PAX6: variants seen among roughly 807,000 people sequenced by gnomAD.
PAX6 encodes paired box protein Pax-6.
In PAX6, 7 loss-of-function variants were observed where a neutral mutation model predicts 60.7. That is an observed-to-expected ratio of 0.12 (90% CI 0.07 to 0.22). The LOEUF is 0.22. PAX6 is among the 10% of genes least tolerant of loss of function. The pLI is 1.00. For missense variants in PAX6, 355 were observed against 555.2 expected (o/e 0.64, Z 3.62); for synonymous variants, 208 against 201.2 (o/e 1.03, Z -0.29).
intron 12 of PAX6, 139 bp downstream of exon 12, chr11:31,793,299 G>T (rs1019883076): frequency 1.3e-6 from 1 of 754,984 alleles, no homozygotes; most frequent in Non-Finnish European, 2.4e-6. Flanking sequence ...GACTGTCTCC[G>T]ACTTGACTGG....
chr11:31,789,989 A>C lies in PAX6; in HGVS notation c.1256T>G (p.Val419Gly). ...ATCAGGTTCACTTCCGGGAACTTGA[A>C]CTGGAACTGACACACCAGGGGAAAT... Reference protein sequence around the residue: ...GLISPGVSVPVQVPGSEPDMS... With the variant: ...GLISPGVSVPGQVPGSEPDMS... The change falls in exon 14 of 14, where the codon GTT becomes GGT. Residue 419 changes from valine to glycine, a missense_variant. Coordinates refer to ENST00000640368, the MANE Select transcript of PAX6 (RefSeq NM_001368894.2). 1 of 1,600,816 alleles carries C rather than the reference A, an allele frequency of 6.2e-7. No homozygotes were observed. Among genetic ancestry groups the C allele is most frequent in the Non-Finnish European group, 8.5e-7 (1 of 1,177,180 alleles).
chr11:31,791,337 C>G (rs560160238), intron 12 of PAX6: 1 of 233,184 alleles, frequency 4.3e-6, no homozygotes, highest in Non-Finnish European at 8.6e-6. Context: ...CCTTGGGAAC[C>G]TTTCACTGAT....
In PAX6 at chr11:31,790,727, G is replaced by A. The variant is rs1342200630; in HGVS notation, c.1208C>T (p.Ser403Leu). 9 of 1,614,060 alleles carry A rather than the reference G, an allele frequency of 5.6e-6. No individual in the cohort carries two copies. Among genetic ancestry groups the A allele is most frequent in the East Asian group, 2.2e-5 (1 of 44,866 alleles). Residue 403 changes from serine to leucine, a missense_variant, in exon 13 of 14, where the codon TCG (serine) becomes TTG (leucine). Physicochemically the swap from Ser to Leu is moderately radical, Grantham distance 145. Transcript: ENST00000640368. The part of the protein sequence containing the change: ...THMNSQPMGT[S>L]GTTSTGLISP... ...TGGCTCACCTGTTGAAGTGGTGCCC[G>A]AGGTGCCCATTGGCTGACTGTTCAT... is the stretch of plus-strand genomic sequence containing the variant.
At chr11:31,801,949 C>T in intron 5 of PAX6, 37 bp from the exon 6 acceptor site, 2 of 1,555,446 alleles carry the variant, frequency 1.3e-6, no homozygotes, top group Non-Finnish European at 1.8e-6. Context: ...GGTATGAGAA[C>T]TTACTGTAGA....
chr11:31,790,676 GCCTCTGTGCAGC>G, intron 13 of PAX6, 22 bp downstream of exon 13: 1 of 1,613,428 alleles, frequency 6.2e-7, no homozygotes, highest in South Asian at 1.1e-5. Context: ...AAGAGAGATC[GCCTCTGTGCAGC>G]CTGCAGAAAG....
upstream of PAX6, among the ~76,000 whole-genome samples, chr11:31,813,389 C>CGG (rs71463328): frequency 0.017 from 733 of 44,096 alleles, 7 homozygotes; most frequent in South Asian, 0.032. Context: ...TGCGGGGGGG[C>CGG]GGGGGGGGGG....
upstream of PAX6, chr11:31,811,526 G>T: frequency 3.6e-6 from 1 of 274,462 alleles, no homozygotes; most frequent in East Asian, 6.1e-5. Context: ...TCTGGCGCTC[G>T]CCTGCATCTC....
At chr11:31,795,542 T>A (rs969313306) in intron 8 of PAX6, among the ~76,000 whole-genome samples, 1 of 152,252 alleles carries the variant, frequency 6.6e-6, no homozygotes, top group Non-Finnish European at 1.5e-5. Flanking sequence ...TTCTTTTAAA[T>A]TTTTAACGTG....
chr11:31,807,731 G>C (rs914842400), intron 2 of PAX6: 3 of 152,044 alleles, frequency 2.0e-5, no homozygotes, highest in African/African-American at 4.8e-5. Context: ...AGCTTTCCTC[G>C]AACCCAAGGA....
chr11:31,790,078 ATACAAATTTATAGGTTTAC>A, intron 13 of PAX6, 59 bp from the exon 14 acceptor site: 1 of 874,216 alleles, frequency 1.1e-6, no homozygotes, highest in South Asian at 1.5e-5. Flanking sequence ...CAGACATGGA[ATACAAATTTATAGGTTTAC>A]AAAAAAAAAA....
At chr11:31,807,476 TCCCAATGGC>T (rs1405327804) in intron 2 of PAX6, 2 of 152,204 alleles carry the variant, frequency 1.3e-5, no homozygotes, top group African/African-American at 4.8e-5. Context: ...CAAAAAAACT[TCCCAATGGC>T]CCCCTCTCCA....
upstream of PAX6, chr11:31,814,061 C>CG (rs565691697): frequency 2.3e-3 from 344 of 152,252 alleles, 2 homozygotes; most frequent in South Asian, 4.4e-3. Context: ...CTCCAAGACG[C>CG]GGGGGGGCGG....
At chr11:31,799,342 G>C (rs1342760377) in intron 8 of PAX6, among the ~76,000 whole-genome samples, 1 of 152,070 alleles carries the variant, frequency 6.6e-6, no homozygotes, top group Non-Finnish European at 1.5e-5. Context: ...GGCCTCCGCC[G>C]GCCGAGCGGC....
At chr11:31,801,024 CT>C in intron 7 of PAX6, 168 bp from the exon 8 acceptor site, 1 of 813,128 alleles carries the variant, frequency 1.2e-6, no homozygotes, top group Non-Finnish European at 2.0e-6. Flanking sequence ...AAAATGATAG[CT>C]ATCACTTTGG....
At chr11:31,792,963 G>A (rs1565195425) in intron 12 of PAX6, 1 of 407,996 alleles carries the variant, frequency 2.5e-6, no homozygotes, top group Non-Finnish European at 4.4e-6. Flanking sequence ...TCCCATTTCT[G>A]ATCCTTTTTT....
chr11:31,817,093 C>T (rs1957417417), intron 1 of PAX6, among the ~76,000 whole-genome samples: 1 of 152,258 alleles, frequency 6.6e-6, no homozygotes, highest in South Asian at 2.1e-4. Flanking sequence ...TCCCATGGCG[C>T]CCGCGCGCTT....
At chr11:31,817,634 C>G (rs7936522) in intron 1 of PAX6, among the ~76,000 whole-genome samples, 26,470 of 152,304 alleles carry the variant, frequency 0.17, 2,416 homozygotes, top group East Asian at 0.3. Context: ...TCCTCCACCC[C>G]CCTTCCTATC....
upstream of PAX6, chr11:31,812,488 G>A (rs1957150270): frequency 6.5e-6 from 1 of 152,860 alleles, no homozygotes; most frequent in Non-Finnish European, 1.5e-5. Flanking sequence ...CCAGAAAACC[G>A]GGGAGGAAAG....
chr11:31,795,274 A>T (rs935081848), intron 8 of PAX6, among the ~76,000 whole-genome samples: 2 of 152,242 alleles, frequency 1.3e-5, no homozygotes, highest in Admixed American at 6.5e-5. Flanking sequence ...AATCTTTTTT[A>T]AAAAATATTT....
Sources: gnomAD v4.1 joint callset for allele counts (sites outside exome capture counted in the v4.1 genomes callset) on GRCh38, gnomAD v4.1.1 for gene constraint, MANE v1.5 for transcripts, NCBI Gene and HGNC (gene_info 2026-07-23, HGNC 2026-07-21) for gene names.